NDUFAF2: variants seen among roughly 807,000 people sequenced by gnomAD.
NDUFAF2 encodes the protein NADH dehydrogenase [ubiquinone] 1 alpha subcomplex assembly factor 2.
NDUFAF2 carries 13 observed loss-of-function variants against 22.8 expected under a neutral mutation model. The ratio of observed to expected loss-of-function variants is 0.57; its 90% CI spans 0.37 to 0.91. The LOEUF is 0.91. NDUFAF2 is among the 40% of genes least tolerant of loss of function. The probability of loss-of-function intolerance (pLI) is 0.01; values close to 1 mark genes in which losing one functional copy is unlikely to be tolerated. For missense variants in NDUFAF2, 162 were observed against 195.2 expected, an observed-to-expected ratio of 0.83 and a Z score of 1.01; for synonymous variants, 53 against 64.2, an observed-to-expected ratio of 0.83 and a Z score of 0.84.
chr5:60,987,876 G>T (rs1751103405), intron 1 of NDUFAF2, among the ~76,000 whole-genome samples: 2 of 152,164 alleles, frequency 1.3e-5, no homozygotes, highest in South Asian at 4.1e-4. Context: ...AGACCAGAAT[G>T]CCCTCTCCTA....
Position 60,945,394 on chromosome 5 carries a change from G to A in NDUFAF2, c.127+12G>A. 6.2e-7 allele frequency: 1 copy of A among 1,614,222 alleles called. No homozygotes were observed. Among genetic ancestry groups the A allele is most frequent in the Non-Finnish European group, 8.5e-7 (1 of 1,180,038 alleles). On this transcript the variant is annotated intron_variant, in intron 1 of 3. Coordinates refer to ENST00000296597, the MANE Select transcript of NDUFAF2 (RefSeq NM_174889.5). ...CAAGAACTGGAGAGGTGAGGTGGCG[G>A]CGTGGGCAGCGATTGCGTGGTCAGT...
At chr5:61,110,535 A>G (rs1464277746) in intron 3 of NDUFAF2, among the ~76,000 whole-genome samples, 1 of 151,886 alleles carries the variant, frequency 6.6e-6, no homozygotes, top group Admixed American at 6.6e-5. Context: ...GGATTTCTTT[A>G]TGGTTCAATC....
chr5:61,040,251 G>GACACACACACACACAC (rs55910021), intron 1 of NDUFAF2, among the ~76,000 whole-genome samples: 7 of 131,896 alleles, frequency 5.3e-5, no homozygotes, highest in East Asian at 2.4e-4. Context: ...AAGAGGAAAG[G>GACACACACACACACAC]ACACACACAC....
At chr5:61,031,231 A>G (rs1427073027) in intron 1 of NDUFAF2, among the ~76,000 whole-genome samples, 5 of 152,104 alleles carry the variant, frequency 3.3e-5, no homozygotes, top group East Asian at 1.9e-4. Flanking sequence ...TTTGTTACAT[A>G]GGTATACACG....
intron 1 of NDUFAF2, among the ~76,000 whole-genome samples, chr5:61,019,020 A>C (rs1246841601): frequency 6.6e-6 from 1 of 152,112 alleles, no homozygotes; most frequent in African/African-American, 2.4e-5. Context: ...CTATTACCTT[A>C]TGTGGGTAAT....
chr5:61,043,227 A>G (rs905660702), intron 1 of NDUFAF2, among the ~76,000 whole-genome samples: 5 of 152,156 alleles, frequency 3.3e-5, no homozygotes, highest in African/African-American at 7.2e-5. Context: ...TCTTGGGGGA[A>G]AAAAACAAAA....
Position 61,104,865 on chromosome 5 carries a change from T to G in NDUFAF2, c.258+5833T>G, listed in dbSNP as rs551442612. Among the ~76,000 whole-genome samples the G allele has an allele frequency of 1.2e-4, 18 of 152,232 alleles. 1 individual carries two copies. The South Asian group carries it at 3.7e-3, about 32-fold the overall frequency. ...ATTGCCTCAGGCTTAAAATTTCATGTTGCATTCACCTTACAACAAGGATAG... is the reference window on the plus strand; with the variant it reads ...ATTGCCTCAGGCTTAAAATTTCATGGTGCATTCACCTTACAACAAGGATAG... On this transcript the variant is annotated intron_variant, in intron 3 of 3. Coordinates refer to ENST00000296597, the MANE Select transcript of NDUFAF2 (RefSeq NM_174889.5).
chr5:61,104,337 G>T (rs2111774329), intron 3 of NDUFAF2, among the ~76,000 whole-genome samples: 1 of 151,964 alleles, frequency 6.6e-6, no homozygotes, highest in African/African-American at 2.4e-5. Flanking sequence ...AAAGTTTTTT[G>T]TTTGAACAAG....
intron 3 of NDUFAF2, among the ~76,000 whole-genome samples, chr5:61,107,710 C>A (rs1752785422): frequency 6.6e-6 from 1 of 150,516 alleles, no homozygotes; most frequent in South Asian, 2.1e-4. Context: ...TACATGTGCA[C>A]AATGTGCAGG....
rs1385609184 is a variant in NDUFAF2 at position 60,983,397 on chromosome 5, T to G, written c.127+38015T>G. Among the ~76,000 whole-genome samples, 340 of 77,988 alleles carry G rather than the reference T, an allele frequency of 4.4e-3. 7 individuals are homozygous for G. The highest frequency in any genetic ancestry group is 0.014 in the African/African-American group (316 of 22,650). 51.2% of individuals were successfully genotyped at this position (77,988 alleles called of 152,430 possible). ...TTTCTTTTGCTGTGCAGAAGCTCTT[T>G]AGTTTAATTAGATCCCATTTGTCAA... On this transcript the variant is annotated intron_variant, in intron 1 of 3. Transcript: ENST00000296597.
intron 3 of NDUFAF2, among the ~76,000 whole-genome samples, chr5:61,120,717 C>A (rs1168619775): frequency 8.1e-6 from 1 of 122,752 alleles, no homozygotes; most frequent in Non-Finnish European, 1.7e-5. Context: ...AGAATTAGTT[C>A]TGAAGAGTTA....
intron 3 of NDUFAF2, among the ~76,000 whole-genome samples, chr5:61,100,208 T>C (rs918540303): frequency 6.6e-6 from 1 of 152,176 alleles, no homozygotes; most frequent in African/African-American, 2.4e-5. Flanking sequence ...AAGAGCCTTC[T>C]GATTCTCCTT....
At chr5:61,094,818 T>C (rs1431017118) in intron 2 of NDUFAF2, among the ~76,000 whole-genome samples, 4 of 152,206 alleles carry the variant, frequency 2.6e-5, no homozygotes, top group African/African-American at 7.2e-5. Flanking sequence ...ACAGCAAAGC[T>C]GGCAGCCTGC....
chr5:61,077,210 A>G (rs1294859666), intron 2 of NDUFAF2, among the ~76,000 whole-genome samples: 1 of 152,214 alleles, frequency 6.6e-6, no homozygotes, highest in Non-Finnish European at 1.5e-5. Context: ...GAGACTGAAG[A>G]GATCACACAC....
chr5:61,064,884 G>GAAATAAATC (rs1191347840), intron 1 of NDUFAF2, among the ~76,000 whole-genome samples: 1 of 150,288 alleles, frequency 6.7e-6, no homozygotes, highest in Non-Finnish European at 1.5e-5. Flanking sequence ...ATTCAGAACA[G>GAAATAAATC]AAATAAATCA....
chr5:61,073,358 C>A (rs1242733183), intron 2 of NDUFAF2, 144 bp downstream of exon 2: 7 of 680,508 alleles, frequency 1.0e-5, no homozygotes, highest in South Asian at 1.7e-5. Context: ...GTTTTTTTAA[C>A]ATTGCATTTC....
chr5:61,021,594 A>G (rs248687), intron 1 of NDUFAF2, among the ~76,000 whole-genome samples: 4,289 of 152,290 alleles, frequency 0.028, 93 homozygotes, highest in Non-Finnish European at 0.046. Flanking sequence ...TATTCTGTCT[A>G]TTCACATTAT....
chr5:61,076,071 GTTTT>G (rs1377648510), intron 2 of NDUFAF2, among the ~76,000 whole-genome samples: 1 of 151,796 alleles, frequency 6.6e-6, no homozygotes, highest in Non-Finnish European at 1.5e-5. Context: ...AGGTTTTGCA[GTTTT>G]TTTGTTTGTT....
intron 1 of NDUFAF2, among the ~76,000 whole-genome samples, chr5:61,016,896 T>C (rs951357430): frequency 6.6e-6 from 1 of 152,190 alleles, no homozygotes; most frequent in African/African-American, 2.4e-5. Context: ...ATCCAGCACC[T>C]GGTGCCTGGC....
Sources: gnomAD v4.1 joint callset for allele counts (sites outside exome capture counted in the v4.1 genomes callset) on GRCh38, gnomAD v4.1.1 for gene constraint, MANE v1.5 for transcripts, NCBI Gene and HGNC (gene_info 2026-07-23, HGNC 2026-07-21) for gene names.